ZNF345: variants seen among roughly 807,000 people sequenced by gnomAD.
ZNF345 encodes the protein zinc finger protein HZF10.
For synonymous variants in ZNF345, 166 were observed against 187.9 expected (o/e 0.88, Z 0.95); for missense variants, 527 against 589.9 (o/e 0.89, Z 1.10).
At chr19:36,881,283 A>G (rs2072966586), downstream of ZNF345, among the ~76,000 whole-genome samples, 1 of 152,220 alleles carries the variant, frequency 6.6e-6, no homozygotes, top group Non-Finnish European at 1.5e-5. Flanking sequence ...GGTAAATATA[A>G]TGCAAATATT....
At chr19:36,887,383 GTTAA>G (rs1210944879) in intron 3 of ZNF345, among the ~76,000 whole-genome samples, 1 of 152,140 alleles carries the variant, frequency 6.6e-6, no homozygotes, top group African/African-American at 2.4e-5. Flanking sequence ...ACCAATACTT[GTTAA>G]TTAATTGTAA....
At chr19:36,875,877 C>T (rs538796719) in intron 2 of ZNF345, among the ~76,000 whole-genome samples, 1 of 152,198 alleles carries the variant, frequency 6.6e-6, no homozygotes, top group African/African-American at 2.4e-5. Flanking sequence ...GCAAATAAGT[C>T]TCCCAAAATA....
chr19:36,865,879 G>A (rs2146167266), intron 2 of ZNF345, among the ~76,000 whole-genome samples: 1 of 152,230 alleles, frequency 6.6e-6, no homozygotes, highest in South Asian at 2.1e-4. Context: ...TCTTCTTACA[G>A]TAACTGGATG....
At chr19:36,862,382 G>A (rs62115568) in intron 2 of ZNF345, among the ~76,000 whole-genome samples, 1 of 151,816 alleles carries the variant, frequency 6.6e-6, no homozygotes, top group African/African-American at 2.4e-5. Flanking sequence ...GTTAAAACTA[G>A]CTGGGTGTGG....
intron 3 of ZNF345, chr19:36,892,675 G>C: frequency 1.6e-6 from 1 of 642,806 alleles, no homozygotes. Flanking sequence ...GATTCAGAAA[G>C]TAGATGACCT....
At chr19:36,892,310 A>T (rs1243708303) in intron 3 of ZNF345, 2 of 1,613,836 alleles carry the variant, frequency 1.2e-6, no homozygotes, top group East Asian at 2.2e-5. Context: ...GTCTTTCCAC[A>T]TATCTTACAT....
chr19:36,885,227 A>G (rs2072990097), intron 3 of ZNF345, among the ~76,000 whole-genome samples: 1 of 151,944 alleles, frequency 6.6e-6, no homozygotes, highest in Admixed American at 6.6e-5. Context: ...TTATATAAGT[A>G]TGTAGAAAGT....
intron 3 of ZNF345, chr19:36,892,796 A>AAT: frequency 1.8e-6 from 1 of 567,832 alleles, no homozygotes; most frequent in Non-Finnish European, 2.6e-6. Flanking sequence ...AAAAAAAAAA[A>AAT]TTTTTTTTGC....
intron 2 of ZNF345, among the ~76,000 whole-genome samples, 183 bp downstream of exon 2, chr19:36,852,087 G>A (rs1046686220): frequency 9.5e-5 from 14 of 147,530 alleles, no homozygotes; most frequent in Non-Finnish European, 1.3e-4. Flanking sequence ...TGATTTGTCA[G>A]ATGGTTTTAA....
intron 2 of ZNF345, chr19:36,863,018 G>A (rs565968120): frequency 1.5e-4 from 23 of 152,308 alleles, no homozygotes; most frequent in Middle Eastern, 6.8e-3. Flanking sequence ...CAAGGTGAGA[G>A]GCCTCAGAAG....
At chr19:36,858,476 A>T (rs1279834834) in intron 2 of ZNF345, 1 of 152,182 alleles carries the variant, frequency 6.6e-6, no homozygotes, top group African/African-American at 2.4e-5. Context: ...TTAAAAAACT[A>T]CCCAAGAGGC....
chr19:36,858,027 A>G (rs1305119925), intron 2 of ZNF345, among the ~76,000 whole-genome samples: 4 of 150,612 alleles, frequency 2.7e-5, no homozygotes, highest in Non-Finnish European at 5.9e-5. Context: ...TGATCCGCCC[A>G]CCTAGGCCTC....
At chr19:36,864,698 C>T (rs1030235065) in intron 2 of ZNF345, among the ~76,000 whole-genome samples, 4 of 152,126 alleles carry the variant, frequency 2.6e-5, no homozygotes, top group South Asian at 4.2e-4. Context: ...GCAAGTGAGA[C>T]GGTGAGAAGC....
chr19:36,860,158 C>T (rs920750421), intron 2 of ZNF345, among the ~76,000 whole-genome samples: 3 of 152,094 alleles, frequency 2.0e-5, no homozygotes, highest in Admixed American at 6.6e-5. Context: ...GGGGTTTCAC[C>T]GTGTTAGCCA....
At chr19:36,881,261 G>C (rs772804381), downstream of ZNF345, among the ~76,000 whole-genome samples, 4 of 152,200 alleles carry the variant, frequency 2.6e-5, no homozygotes, top group Non-Finnish European at 5.9e-5. Flanking sequence ...TCTGGATTAA[G>C]TATGCTCACC....
intron 2 of ZNF345, among the ~76,000 whole-genome samples, chr19:36,860,514 C>G (rs1261905074): frequency 2.6e-5 from 4 of 152,128 alleles, no homozygotes. Context: ...GAGTTGCTCT[C>G]TCTTTGTCTT....
chr19:36,859,740 T>G (rs2072503980), intron 2 of ZNF345, among the ~76,000 whole-genome samples: 1 of 152,174 alleles, frequency 6.6e-6, no homozygotes, highest in African/African-American at 2.4e-5. Context: ...TTTATTAAAT[T>G]TGAAACTTGT....
At chr19:36,852,444 C>G (rs947897213) in intron 2 of ZNF345, among the ~76,000 whole-genome samples, 7 of 152,024 alleles carry the variant, frequency 4.6e-5, no homozygotes, top group African/African-American at 1.7e-4. Flanking sequence ...AACCCCGTCT[C>G]TACTAAAAAC....
At chr19:36,851,535 T>G (rs2072264894) in intron 1 of ZNF345, 1 of 152,340 alleles carries the variant, frequency 6.6e-6, no homozygotes, top group South Asian at 2.1e-4. Flanking sequence ...CCCTGCGGTG[T>G]GAGTGAGTTT....
Sources: gnomAD v4.1 joint callset for allele counts (sites outside exome capture counted in the v4.1 genomes callset) on GRCh38, gnomAD v4.1.1 for gene constraint, MANE v1.5 for transcripts, NCBI Gene and HGNC (gene_info 2026-07-23, HGNC 2026-07-21) for gene names.